The following TTN variants were observed in gnomAD, a reference collection of about 807,000 sequenced individuals.
The protein encoded by TTN is connectin.
A neutral mutation model predicts 3,223.0 loss-of-function variants in TTN; 1,525 were observed. That is an observed-to-expected ratio of 0.47 (90% CI 0.45 to 0.49). TTN has a LOEUF of 0.49. Among genes scored for constraint, TTN ranks in the 20% least tolerant of loss-of-function variants. TTN has a pLI of 0.00. For missense variants in TTN, 40,786 were observed against 43,424.0 expected (o/e 0.94, Z 5.40); for synonymous variants, 14,094 against 15,161.0 (o/e 0.93, Z 5.17).
intron 47 of TTN, chr2:178,747,212 G>A (rs905943802): frequency 8.7e-6 from 14 of 1,611,872 alleles, no homozygotes; most frequent in Non-Finnish European, 1.1e-5. Flanking sequence ...TGGAGGTGTG[G>A]AGTATCTCTC....
Position 178,554,568 on chromosome 2 carries a change from A to T in TTN, c.88779T>A (p.Ile29593=), listed in dbSNP as rs1331442107. The T allele has an allele frequency of 1.2e-6, 2 of 1,613,716 alleles. No individual in the cohort carries two copies. The highest frequency in any genetic ancestry group is 1.3e-5 in the African/African-American group (1 of 74,878). Residue 29593 remains isoleucine, a synonymous_variant, in exon 332 of 363, where the codon ATT becomes ATA. Transcript: ENST00000589042. ...TTCCTTTGATAATTTTGGTGGTTGT[A>T]ATGATGCACTCTTCCAAATGTTCAG... is the stretch of plus-strand genomic sequence containing the variant. ...MVSEHLEECI[I]TTTKIIKGNE... is the part of the protein sequence containing the mutation.
At position 178,688,103 on chromosome 2, in the gene TTN, T is replaced by C; in HGVS notation, c.32311+8A>G. 7.5e-6 allele frequency: 12 copies of C among 1,609,382 alleles called. No homozygotes were observed. The highest frequency in any genetic ancestry group is 1.0e-5 in the Non-Finnish European group (12 of 1,176,838). On this transcript the variant is annotated splice_region_variant and intron_variant, in intron 127 of 362. Transcript: ENST00000589042. Reference sequence around the variant, plus strand: ...CCAGATCATCTCTAGCTTATTTGCATTGTTTACCTTCATATTCTGTAACCT... The same window carrying C: ...CCAGATCATCTCTAGCTTATTTGCACTGTTTACCTTCATATTCTGTAACCT...
In TTN at chr2:178,759,043, G is replaced by A. The variant is rs761799688; in HGVS notation, c.10244C>T (p.Thr3415Met). ...EAYPEDEGTY[T>M]FVASNAVGQV... ...GCCTACAGCATTACTAGCAACAAAC[G>A]TGTAAGTTCCTTCATCTTCTGGATA... Residue 3415 changes from threonine (T) to methionine (M), a missense_variant, in exon 44 of 363, where the codon ACG becomes ATG. Physicochemically the swap from Thr to Met is moderately conservative, Grantham distance 81 (BLOSUM62 -1). Coordinates refer to ENST00000589042, the MANE Select transcript of TTN (RefSeq NM_001267550.2). 2.9e-5 allele frequency: 47 copies of A among 1,613,848 alleles called. No individual in the cohort carries two copies. The Admixed American group carries it at 6.3e-4, about 22-fold the overall frequency.
At position 178,635,258 on chromosome 2, in the gene TTN, A is replaced by G. The variant is rs369128249; in HGVS notation, c.41931T>C (p.Tyr13977=). The G allele has an allele frequency of 1.0e-4, 168 of 1,613,206 alleles. 1 individual carries two copies. The highest frequency in any genetic ancestry group is 1.4e-4 in the Non-Finnish European group (161 of 1,179,548). Residue 13977 remains tyrosine, a synonymous_variant, in exon 228 of 363, where the codon TAT becomes TAC. Transcript: ENST00000589042. ...LLKPIEDVTI[Y]EKESASFDAE... ...CATCAAAGCTTGCACTTTCTTTCTC[A>G]TAAATGGTAACGTCCTCTATTGGTT...
At chr2:178,784,732 T>G (rs2093045211) in intron 15 of TTN, among the ~76,000 whole-genome samples, 1 of 152,216 alleles carries the variant, frequency 6.6e-6, no homozygotes, top group African/African-American at 2.4e-5. Flanking sequence ...ATTGAAATTG[T>G]TGGTAAATGC....
At position 178,545,838 on chromosome 2, in the gene TTN, C is replaced by T. The variant is rs766203953; in HGVS notation, c.95398G>A (p.Val31800Ile). Residue 31800 changes from valine (V) to isoleucine (I), a missense_variant, in exon 343 of 363, where the codon GTA (valine) becomes ATA (isoleucine). Coordinates refer to ENST00000589042, the MANE Select transcript of TTN (RefSeq NM_001267550.2). ...TACTTACTGAATGAGTTTCTGGCTA[C>T]AATTGGCTCTGATTCAACAGGCACA... ...PGVPVESEPI[V>I]ARNSFTIPSP... is the part of the protein sequence containing the mutation. 2 of 1,613,526 alleles carry T rather than the reference C, an allele frequency of 1.2e-6. No homozygotes were observed. The highest frequency in any genetic ancestry group is 2.2e-5 in the South Asian group (2 of 91,058).
At position 178,529,192 on chromosome 2, in the gene TTN, ACTTT is replaced by A; in HGVS notation, c.106555_106558del (p.Lys35519SerfsTer26). On this transcript the variant is annotated frameshift_variant, in exon 360 of 363. Transcript: ENST00000589042. LOFTEE classifies it high-confidence loss of function. Reference sequence around the variant, plus strand: ...AATTTCAGAAGTCTTTTGTGTAGAGACTTTCTGTGCCTCAGTATCTTTTATAGCT... The same window carrying A: ...AATTTCAGAAGTCTTTTGTGTAGAGACTGTGCCTCAGTATCTTTTATAGCT... 1 of 1,508,910 alleles carries A rather than the reference ACTTT, an allele frequency of 6.6e-7. No homozygotes were observed. The highest frequency in any genetic ancestry group is 2.4e-5 in the Admixed American group (1 of 41,470). The allele number at this position is 1,508,910 out of a possible 1,614,324, so 93.5% of individuals were successfully genotyped here.
rs760040495 is a variant in TTN at position 178,713,905 on chromosome 2, T to C, written c.26753A>G (p.Gln8918Arg). Residue 8918 changes from glutamine to arginine, a missense_variant, in exon 92 of 363, where the codon CAG (glutamine) becomes CGG (arginine). Coordinates refer to ENST00000589042, the MANE Select transcript of TTN (RefSeq NM_001267550.2). ...VGKDSCTASL[Q>R]VSDRTVPPSF... ...CCAAGAAATCAACCAACCTGAAACC[T>C]GCAATGAAGCTGTGCAGCTGTCTTT... is the stretch of plus-strand genomic sequence containing the variant. 3.1e-6 allele frequency: 5 copies of C among 1,612,848 alleles called. No individual in the cohort carries two copies. In the East Asian group the frequency reaches 6.7e-5, roughly 22 times the overall value.
At chr2:178,757,229 A>ACCGTACTTACTTTAAGTACAGT (rs1398848581) in intron 45 of TTN, among the ~76,000 whole-genome samples, 1 of 149,626 alleles carries the variant, frequency 6.7e-6, no homozygotes, top group African/African-American at 2.4e-5. Flanking sequence ...AGTAAGTAAT[A>ACCGTACTTACTTTAAGTACAGT]ATCAGCAAAT....
At position 178,529,878 on chromosome 2, in the gene TTN, T is replaced by G; in HGVS notation, c.106531+82A>C. On this transcript the variant is annotated intron_variant, in intron 359 of 362. Coordinates refer to ENST00000589042, the MANE Select transcript of TTN (RefSeq NM_001267550.2). Reference sequence around the variant, plus strand: ...TTTTATTTTAATACTTTCTTGTATGTGTATATAAGGGGGGATGTTTGAAAA... The same window carrying G: ...TTTTATTTTAATACTTTCTTGTATGGGTATATAAGGGGGGATGTTTGAAAA... The G allele has an allele frequency of 2.9e-6, 4 of 1,357,732 alleles. No homozygotes were observed. In the South Asian group the frequency reaches 5.5e-5, roughly 19 times the overall value. The allele number at this position is 1,357,732 out of a possible 1,614,324, so 84.1% of individuals were successfully genotyped here. A position where few individuals can be genotyped will look rare whatever the true frequency, so the allele number is the denominator to read the frequency against.
chr2:178,585,787 C>T (rs1576000315), intron 308 of TTN, among the ~76,000 whole-genome samples: 5 of 152,030 alleles, frequency 3.3e-5, no homozygotes, highest in Non-Finnish European at 5.9e-5. Flanking sequence ...TTTATGGCTG[C>T]GTAGTATCCT....
Position 178,740,525 on chromosome 2 carries a change from T to C in TTN, c.12708A>G (p.Pro4236=), listed in dbSNP as rs2082307443. The C allele has an allele frequency of 5.0e-6, 8 of 1,613,736 alleles. No homozygotes were observed. Among genetic ancestry groups the C allele is most frequent in the African/African-American group, 2.7e-5 (2 of 74,936 alleles). The part of the protein sequence containing the change: ...LTSVAEEVLS[P]KEKTVSDTNR... The stretch of plus-strand genomic sequence containing the variant: ...TGGTGTCAGATACTGTCTTTTCTTT[T>C]GGTGAAAGTACTTCCTCAGCCACAG... The change falls in exon 48 of 363, where the codon CCA becomes CCG. Residue 4236 remains proline, a synonymous_variant. Transcript: ENST00000589042.
chr2:178,784,330 T>C lies in TTN; in HGVS notation c.2515A>G (p.Ile839Val), dbSNP rs2093012792. ...GACAACTCTTTTTGTAATGTGGCAA[T>C]AGCACTACCGGCTATTGATGCCTAC... ...GYEASIAGSAIATLQKELSAT... is the reference protein window; with the variant it reads ...GYEASIAGSAVATLQKELSAT... The change falls in exon 16 of 363, where the codon ATT becomes GTT. Residue 839 changes from isoleucine to valine, a missense_variant. Coordinates refer to ENST00000589042, the MANE Select transcript of TTN (RefSeq NM_001267550.2). 2 of 1,613,978 alleles carry C rather than the reference T, an allele frequency of 1.2e-6. No individual in the cohort carries two copies. The highest frequency in any genetic ancestry group is 1.3e-5 in the African/African-American group (1 of 74,930).
In TTN at chr2:178,794,524, C is replaced by A; in HGVS notation, c.1273G>T (p.Ala425Ser). Residue 425 changes from alanine (A) to serine (S), a missense_variant, in exon 8 of 363, where the codon GCT becomes TCT. By Grantham distance (99) the Ala-to-Ser change is moderately conservative. Transcript: ENST00000589042. ...EVKQDADKSA[A>S]VATVVAAVDM... ...ACGGCAGCAACAACAGTCGCAACAG[C>A]TGCACTTTTGTCAGCATCTTGTTTC... is the stretch of plus-strand genomic sequence containing the variant. 1 of 1,614,226 alleles carries A rather than the reference C, an allele frequency of 6.2e-7. No homozygotes were observed. Among genetic ancestry groups the A allele is most frequent in the East Asian group, 2.2e-5 (1 of 44,888 alleles).
intron 15 of TTN, 29 bp from the exon 16 acceptor site, chr2:178,784,380 G>A: frequency 1.2e-6 from 2 of 1,612,646 alleles, no homozygotes; most frequent in Non-Finnish European, 1.7e-6. Context: ...AGAAAATAAA[G>A]TCATTTAACC....
rs1554004514 is a variant in TTN at position 178,775,217 on chromosome 2, T to C, written c.6509-15A>G. Reference sequence around the variant, plus strand: ...CAATTGCTTGGCTACAAGAAAAAGGTGGGGGAAAAAGGGGAGAGCACATTA... The same window carrying C: ...CAATTGCTTGGCTACAAGAAAAAGGCGGGGGAAAAAGGGGAGAGCACATTA... On this transcript the variant is annotated splice_polypyrimidine_tract_variant and intron_variant, in intron 28 of 362. Coordinates refer to ENST00000589042, the MANE Select transcript of TTN (RefSeq NM_001267550.2). 1 of 1,613,256 alleles carries C rather than the reference T, an allele frequency of 6.2e-7. No homozygotes were observed. The highest frequency in any genetic ancestry group is 1.3e-5 in the African/African-American group (1 of 74,806).
rs761587912 is a variant in TTN at position 178,620,362 on chromosome 2, T to G, written c.46159A>C (p.Ile15387Leu). The stretch of plus-strand genomic sequence containing the variant: ...TCCACAAATTCTGTCGGGGCTTCTA[T>G]GATGAGAAGCTCAGCAACAGATTTA... ...QDKSVAELLI[I>L]EAPTEFVEHL... is the part of the protein sequence containing the mutation. The change falls in exon 248 of 363, where the codon ATA (isoleucine) becomes CTA (leucine). Residue 15387 changes from isoleucine to leucine, a missense_variant. By Grantham distance (5) the Ile-to-Leu change is conservative. Transcript: ENST00000589042. 1 of 1,609,796 alleles carries G rather than the reference T, an allele frequency of 6.2e-7. No homozygotes were observed. The highest frequency in any genetic ancestry group is 1.3e-5 in the African/African-American group (1 of 74,836).
intron 111 of TTN, among the ~76,000 whole-genome samples, chr2:178,700,457 G>C (rs185134000): frequency 6.6e-6 from 1 of 152,306 alleles, no homozygotes; most frequent in Non-Finnish European, 1.5e-5. Flanking sequence ...ACCATGCTGG[G>C]AGAATTCTGA....
At chr2:178,630,415 A>G (rs749648918) in intron 238 of TTN, 48 bp from the exon 239 acceptor site, 4 of 1,540,496 alleles carry the variant, frequency 2.6e-6, no homozygotes, top group Admixed American at 2.3e-5. Context: ...ATTTTCTTTG[A>G]AATTTTGTTC....
Sources: allele counts gnomAD v4.1 joint callset (sites outside exome capture counted in the v4.1 genomes callset), GRCh38; gene constraint gnomAD v4.1.1; transcripts MANE v1.5; gene names NCBI Gene and HGNC (gene_info 2026-07-23, HGNC 2026-07-21).